Variants in YTHDC2 observed in about 807,000 individuals in gnomAD.
The protein encoded by YTHDC2 is YTH N6-methyladenosine RNA binding protein C2.
A neutral mutation model predicts 174.9 loss-of-function variants in YTHDC2; 45 were observed. The observed-to-expected ratio is 0.26, with a 90% confidence interval of 0.20 to 0.33. The LOEUF is 0.33. Among genes scored for constraint, YTHDC2 ranks in the 10% least tolerant of loss-of-function variants. The pLI is 1.00. For missense variants in YTHDC2, 1,650 were observed against 1,723.7 expected, an observed-to-expected ratio of 0.96 and a Z score of 0.76; for synonymous variants, 657 against 574.5, an observed-to-expected ratio of 1.14 and a Z score of -2.05.
chr5:113,557,178 A>G (rs775811046), intron 17 of YTHDC2, among the ~76,000 whole-genome samples: 29 of 152,216 alleles, frequency 1.9e-4, no homozygotes, highest in Non-Finnish European at 2.4e-4. Flanking sequence ...GGGTTCTTGG[A>G]GTAAGGAGAC....
intron 17 of YTHDC2, 106 bp downstream of exon 17, chr5:113,556,240 T>G (rs1228902648): frequency 7.4e-6 from 4 of 537,052 alleles, no homozygotes; most frequent in Non-Finnish European, 1.2e-5. Flanking sequence ...AATAGTAGTT[T>G]TCATGTTAAA....
Position 113,567,075 on chromosome 5 carries a change from G to GT in YTHDC2, c.2843-10dup. The GT allele has an allele frequency of 3.7e-6, 6 of 1,602,706 alleles. No individual in the cohort carries two copies. The highest frequency in any genetic ancestry group is 4.3e-6 in the Non-Finnish European group (5 of 1,175,722). On this transcript the variant is annotated splice_polypyrimidine_tract_variant and intron_variant, in intron 21 of 29. Transcript: ENST00000161863. Reference sequence around the variant, plus strand: ...TTTGCACAATAGAAAAATTGGTGTGGTTTTTTTCCCCTCTAGGTTTTGTTA... The same window carrying GT: ...TTTGCACAATAGAAAAATTGGTGTGGTTTTTTTTCCCCTCTAGGTTTTGTTA...
At chr5:113,570,243 C>T (rs1160180306) in intron 23 of YTHDC2, among the ~76,000 whole-genome samples, 1 of 151,260 alleles carries the variant, frequency 6.6e-6, no homozygotes, top group Non-Finnish European at 1.5e-5. Flanking sequence ...ATTACAGGCA[C>T]GCACCACAAT....
At chr5:113,545,103 A>C (rs1446116956) in intron 10 of YTHDC2, among the ~76,000 whole-genome samples, 1 of 152,144 alleles carries the variant, frequency 6.6e-6, no homozygotes. Context: ...TTTTTTAAAA[A>C]ATTCTAATTG....
At position 113,527,108 on chromosome 5, in the gene YTHDC2, C is replaced by T. The variant is rs559635141; in HGVS notation, c.675+323C>T. 7.8e-4 allele frequency among the ~76,000 whole-genome samples: 119 copies of T among 152,032 alleles called. No homozygotes were observed. The Middle Eastern group carries it at 0.014, about 18-fold the overall frequency. On this transcript the variant is annotated intron_variant, in intron 4 of 29. Coordinates refer to ENST00000161863, the MANE Select transcript of YTHDC2 (RefSeq NM_022828.5). ...GGGCTTTGGCCTTGAATTTAGATTC[C>T]AGTTCCCTCAGTTATTGAAGTTCCA...
chr5:113,590,999 AAG>A (rs1778973814), intron 26 of YTHDC2, 40 bp from the exon 27 acceptor site: 1 of 1,557,854 alleles, frequency 6.4e-7, no homozygotes, highest in East Asian at 2.3e-5. Context: ...TTGGTTTTGA[AAG>A]GTCAGGTTAC....
chr5:113,527,070 A>C (rs1302872928), intron 4 of YTHDC2, among the ~76,000 whole-genome samples: 5 of 152,098 alleles, frequency 3.3e-5, no homozygotes, highest in Admixed American at 3.3e-4. Flanking sequence ...ATTTGGTATC[A>C]TGGAAAGAAG....
rs1776391472 is a variant in YTHDC2 at position 113,553,348 on chromosome 5, G to A, written c.1856G>A (p.Ser619Asn). 6.3e-7 allele frequency: 1 copy of A among 1,599,462 alleles called. No homozygotes were observed. Among genetic ancestry groups the A allele is most frequent in the African/African-American group, 1.4e-5 (1 of 73,940 alleles). Reference sequence around the variant, plus strand: ...CATCTTCTATACAATATCTGCCATAGTTGTGATGCTGGTAAATACGTGTTG... The same window carrying A: ...CATCTTCTATACAATATCTGCCATAATTGTGATGCTGGTAAATACGTGTTG... ...IMHLLYNICH[S>N]CDAGAVLIFL... The change falls in exon 13 of 30, where the codon AGT (serine) becomes AAT (asparagine). Residue 619 changes from serine to asparagine, a missense_variant. Physicochemically the swap from Ser to Asn is conservative, Grantham distance 46. This residue lies in a region of YTHDC2 where 17 missense variants were observed against 37.3 expected (regional missense o/e 0.46). Coordinates refer to ENST00000161863, the MANE Select transcript of YTHDC2 (RefSeq NM_022828.5).
intron 2 of YTHDC2, among the ~76,000 whole-genome samples, chr5:113,518,195 G>GTTTTTTTTTT (rs376068693): frequency 8.8e-6 from 1 of 113,340 alleles, no homozygotes; most frequent in Non-Finnish European, 1.9e-5. Context: ...GCGTTTTTTT[G>GTTTTTTTTTT]TTTTTTTTTT....
chr5:113,521,463 G>C (rs2112533440), intron 2 of YTHDC2, among the ~76,000 whole-genome samples: 1 of 152,262 alleles, frequency 6.6e-6, no homozygotes, highest in South Asian at 2.1e-4. Context: ...GGGCGCAGTG[G>C]CTCATGCTGG....
chr5:113,574,539 C>CCATCAGG (rs1777920482), intron 23 of YTHDC2, among the ~76,000 whole-genome samples: 1 of 152,278 alleles, frequency 6.6e-6, no homozygotes, highest in Admixed American at 6.5e-5. Flanking sequence ...GCCTGTATAG[C>CCATCAGG]CATCAGGCTG....
intron 18 of YTHDC2, among the ~76,000 whole-genome samples, chr5:113,561,397 ATATT>A (rs33989141): frequency 0.31 from 46,553 of 151,058 alleles, 9,290 homozygotes; most frequent in African/African-American, 0.55. Flanking sequence ...AATCACTTGA[ATATT>A]TAAATTATGG....
intron 10 of YTHDC2, among the ~76,000 whole-genome samples, chr5:113,543,933 G>T (rs1775658819): frequency 6.6e-6 from 1 of 152,070 alleles, no homozygotes; most frequent in Non-Finnish European, 1.5e-5. Flanking sequence ...CCTTACTAAA[G>T]TTGTACCATT....
Position 113,525,168 on chromosome 5 carries a change from G to T in YTHDC2, c.466G>T (p.Val156Phe), listed in dbSNP as rs910478219. The T allele has an allele frequency of 6.3e-7, 1 of 1,593,510 alleles. No individual in the cohort carries two copies. Among genetic ancestry groups the T allele is most frequent in the Non-Finnish European group, 8.5e-7 (1 of 1,172,226 alleles). The change falls in exon 3 of 30, where the codon GTT (valine) becomes TTT (phenylalanine). Residue 156 changes from valine to phenylalanine, a missense_variant. Coordinates refer to ENST00000161863, the MANE Select transcript of YTHDC2 (RefSeq NM_022828.5). Reference sequence around the variant, plus strand: ...AACAGAAAGAGGAAATGTGTTTGCAGTTGAAGCTGGTATGTATTTTCTGGG... The same window carrying T: ...AACAGAAAGAGGAAATGTGTTTGCATTTGAAGCTGGTATGTATTTTCTGGG... ...PKTERGNVFA[V>F]EAENREMSKT...
intron 2 of YTHDC2, among the ~76,000 whole-genome samples, chr5:113,515,748 C>T (rs550901180): frequency 1.3e-5 from 2 of 152,228 alleles, no homozygotes; most frequent in East Asian, 1.9e-4. Context: ...GCTTATGTGG[C>T]ATCTTAATAA....
intron 8 of YTHDC2, among the ~76,000 whole-genome samples, chr5:113,540,441 C>G (rs1775373354): frequency 6.6e-6 from 1 of 152,126 alleles, no homozygotes; most frequent in Non-Finnish European, 1.5e-5. Flanking sequence ...CTACCTGAGA[C>G]TTGGAAATTT....
At chr5:113,576,796 T>C (rs745955307) in intron 23 of YTHDC2, among the ~76,000 whole-genome samples, 2 of 151,340 alleles carry the variant, frequency 1.3e-5, no homozygotes, top group Non-Finnish European at 2.9e-5. Flanking sequence ...TTAATCTTTT[T>C]TCTGTCATGT....
chr5:113,592,471 T>C, intron 28 of YTHDC2: 1 of 215,216 alleles, frequency 4.6e-6, no homozygotes, highest in Non-Finnish European at 9.1e-6. Context: ...CTATTGTGTT[T>C]TGCTTTGTCT....
intron 23 of YTHDC2, among the ~76,000 whole-genome samples, chr5:113,570,339 C>G (rs1777637018): frequency 6.6e-6 from 1 of 152,100 alleles, no homozygotes; most frequent in Admixed American, 6.6e-5. Context: ...TCAAGGTGAT[C>G]CATCTGCCTG....
Sources: gnomAD v4.1 joint callset for allele counts (sites outside exome capture counted in the v4.1 genomes callset) on GRCh38, gnomAD v4.1.1 for gene constraint, gnomAD v4.1.1 regional missense constraint, MANE v1.5 for transcripts, NCBI Gene and HGNC (gene_info 2026-07-23, HGNC 2026-07-21) for gene names.